The following NLRP8 variants were observed in gnomAD, a reference collection of about 807,000 sequenced individuals.
NLRP8 encodes NLR family pyrin domain containing 8.
A neutral mutation model predicts 88.7 loss-of-function variants in NLRP8; 86 were observed. That is an observed-to-expected ratio of 0.97 (90% confidence interval 0.81 to 1.16). NLRP8 has a LOEUF of 1.16. Ranked by LOEUF, NLRP8 falls within the 50% of genes most tolerant of loss-of-function variation. The pLI is 0.00. For missense variants in NLRP8, 1,342 were observed against 1,286.5 expected, an observed-to-expected ratio of 1.04 and a Z score of -0.66; for synonymous variants, 504 against 494.6, an observed-to-expected ratio of 1.02 and a Z score of -0.25.
intron 9 of NLRP8, chr19:55,987,768 C>T (rs765969836): frequency 7.0e-7 from 1 of 1,426,844 alleles, no homozygotes; most frequent in Admixed American, 1.7e-5. Context: ...GTCACTCATC[C>T]TCAGAAAATA....
intron 7 of NLRP8, among the ~76,000 whole-genome samples, chr19:55,975,349 G>A (rs983988638): frequency 2.6e-5 from 4 of 152,220 alleles, no homozygotes; most frequent in Non-Finnish European, 5.9e-5. Flanking sequence ...CGGTGCCACT[G>A]CTTTGGAAAG....
rs1267111607 is a variant in NLRP8, at chr19:55,988,157, C to G, written c.*244C>G. On this transcript the variant is annotated 3_prime_UTR_variant, in exon 10 of 10. Coordinates refer to ENST00000291971, the MANE Select transcript of NLRP8 (RefSeq NM_176811.2). ...CCTGTAACCCAGCACTATGGGAGGT[C>G]GAGGTGGGCAGATTACCTGAGGTCA... The G allele has an allele frequency of 7.1e-6, 2 of 283,318 alleles. No individual in the cohort carries two copies. The highest frequency in any genetic ancestry group is 1.1e-4 in the South Asian group (2 of 17,830). 17.6% of individuals were successfully genotyped at this position (283,318 alleles called of 1,614,324 possible). A position where few individuals can be genotyped will look rare whatever the true frequency, so the allele number is the denominator to read the frequency against.
At chr19:55,984,153 C>A (rs1980695663) in intron 9 of NLRP8, among the ~76,000 whole-genome samples, 1 of 152,074 alleles carries the variant, frequency 6.6e-6, no homozygotes, top group Non-Finnish European at 1.5e-5. Context: ...TTTTCACAAA[C>A]AATGTGATTA....
At chr19:55,950,642 G>C (rs1193216839) in intron 1 of NLRP8, among the ~76,000 whole-genome samples, 1 of 152,202 alleles carries the variant, frequency 6.6e-6, no homozygotes, top group South Asian at 2.1e-4. Context: ...CTGCCTTCTG[G>C]CTTTAGCTCT....
Position 55,973,743 on chromosome 19 carries a change from G to A in NLRP8, c.2626G>A (p.Glu876Lys), listed in dbSNP as rs763775570. ...GATGCTGACCCACCTGAGCTTGGCA[G>A]AAAACGCCTTGAAAGATGAAGGGGC... The change falls in exon 7 of 10, where the codon GAA (glutamate) becomes AAA (lysine). Residue 876 changes from glutamate to lysine, a missense_variant. Coordinates refer to ENST00000291971, the MANE Select transcript of NLRP8 (RefSeq NM_176811.2). 1 of 1,614,104 alleles carries A rather than the reference G, an allele frequency of 6.2e-7. No homozygotes were observed. Among genetic ancestry groups the A allele is most frequent in the Non-Finnish European group, 8.5e-7 (1 of 1,180,004 alleles).
Position 55,954,528 on chromosome 19 carries a change from T to C in NLRP8, c.470T>C (p.Val157Ala). 1 of 1,613,950 alleles carries C rather than the reference T, an allele frequency of 6.2e-7. No homozygotes were observed. ...AAAATACGGCGGTATAAATCGAATG[T>C]GATGGAAAAGTTTTTCCCCATATGG... The change falls in exon 3 of 10, where the codon GTG (valine) becomes GCG (alanine). Residue 157 changes from valine to alanine, a missense_variant. Coordinates refer to ENST00000291971, the MANE Select transcript of NLRP8 (RefSeq NM_176811.2).
intron 3 of NLRP8, among the ~76,000 whole-genome samples, chr19:55,956,446 G>A (rs899979175): frequency 3.9e-5 from 6 of 152,106 alleles, no homozygotes; most frequent in African/African-American, 1.4e-4. Flanking sequence ...GTTTCACCAT[G>A]TTGGCCAGGC....
chr19:55,964,342 T>G (rs1979742401), intron 4 of NLRP8, among the ~76,000 whole-genome samples: 1 of 152,192 alleles, frequency 6.6e-6, no homozygotes, highest in Non-Finnish European at 1.5e-5. Flanking sequence ...AACTAAACTT[T>G]AGAGAGGTTA....
intron 6 of NLRP8, among the ~76,000 whole-genome samples, chr19:55,972,679 G>A (rs752966831): frequency 1.3e-5 from 2 of 151,724 alleles, no homozygotes; most frequent in Admixed American, 6.6e-5. Context: ...AACATACGAC[G>A]TTTGGTTTCC....
chr19:55,968,288 A>C (rs1979931691), intron 5 of NLRP8, among the ~76,000 whole-genome samples: 1 of 151,282 alleles, frequency 6.6e-6, no homozygotes, highest in Non-Finnish European at 1.5e-5. Context: ...AAAATACAAA[A>C]ATTAGCTGGG....
chr19:55,979,273 T>C (rs1163062057), intron 8 of NLRP8, 121 bp from the exon 9 acceptor site: 6 of 1,100,948 alleles, frequency 5.4e-6, no homozygotes, highest in Non-Finnish European at 8.0e-6. Context: ...AGACCATAGT[T>C]GGAACAACAT....
chr19:55,956,070 A>T lies in NLRP8; in HGVS notation c.2012A>T (p.Lys671Met). 1.2e-6 allele frequency: 2 copies of T among 1,613,790 alleles called. No homozygotes were observed. The highest frequency in any genetic ancestry group is 1.7e-6 in the Non-Finnish European group (2 of 1,179,774). ...ACCCTGAACTTCATGAACGTGTGGA[A>T]GCTCAGCTCCAGCTCCCATCCTGGC... Residue 671 changes from lysine to methionine, a missense_variant, in exon 3 of 10, where the codon AAG becomes ATG. Coordinates refer to ENST00000291971, the MANE Select transcript of NLRP8 (RefSeq NM_176811.2).
chr19:55,987,590 C>T (rs907996892), intron 9 of NLRP8, among the ~76,000 whole-genome samples: 47 of 152,152 alleles, frequency 3.1e-4, no homozygotes, highest in African/African-American at 1.1e-3. Flanking sequence ...AGTTAAATGG[C>T]TTGCCTGGGG....
chr19:55,953,690 G>A (rs1265366775), intron 2 of NLRP8, among the ~76,000 whole-genome samples: 1 of 151,652 alleles, frequency 6.6e-6, no homozygotes, highest in East Asian at 1.9e-4. Flanking sequence ...AGTAGAGATG[G>A]GGTTTCACCA....
At chr19:55,986,452 TCA>T (rs146529832) in intron 9 of NLRP8, among the ~76,000 whole-genome samples, 22,341 of 73,716 alleles carry the variant, frequency 0.3, 2,036 homozygotes, top group African/African-American at 0.43. Flanking sequence ...ACTCTCTCTC[TCA>T]CACACACACT....
At chr19:55,976,008 ACAAAC>A in intron 7 of NLRP8, 120 bp from the exon 8 acceptor site, 1 of 962,690 alleles carries the variant, frequency 1.0e-6, no homozygotes, top group Non-Finnish European at 1.5e-6. Flanking sequence ...AACAAACAAA[ACAAAC>A]AAATAAAAAC....
At chr19:55,960,489 C>A (rs763326304) in intron 3 of NLRP8, among the ~76,000 whole-genome samples, 6 of 152,090 alleles carry the variant, frequency 3.9e-5, no homozygotes, top group Non-Finnish European at 8.8e-5. Flanking sequence ...GGTCACCCGA[C>A]TAAGACCTCA....
At chr19:55,979,659 C>G in intron 9 of NLRP8, 95 bp downstream of exon 9, 1 of 1,350,644 alleles carries the variant, frequency 7.4e-7, no homozygotes, top group Non-Finnish European at 1.0e-6. Flanking sequence ...TGGTGCATGC[C>G]TGTAATCCCA....
rs1568460759 is a variant in NLRP8 at position 55,957,668 on chromosome 19, AAT to A, written c.2042+1570_2042+1571del. On this transcript the variant is annotated intron_variant, in intron 3 of 9. Coordinates refer to ENST00000291971, the MANE Select transcript of NLRP8 (RefSeq NM_176811.2). ...GCCACTATCTTAAAAAAGAAAAAATAATAATTATATATATATATATATATATA... is the reference window on the plus strand; with the variant it reads ...GCCACTATCTTAAAAAAGAAAAAATAAATTATATATATATATATATATATA... Among the ~76,000 whole-genome samples, 251 of 77,846 alleles carry A rather than the reference AAT, an allele frequency of 3.2e-3. 9 individuals are homozygous for A. Among genetic ancestry groups the A allele is most frequent in the African/African-American group, 0.018 (236 of 13,240 alleles). 51.1% of individuals were successfully genotyped at this position (77,846 alleles called of 152,430 possible).
Sources: allele counts gnomAD v4.1 joint callset (sites outside exome capture counted in the v4.1 genomes callset), GRCh38; gene constraint gnomAD v4.1.1; transcripts MANE v1.5; gene names NCBI Gene and HGNC (gene_info 2026-07-23, HGNC 2026-07-21).